Variants in SBF2 observed in about 807,000 individuals in gnomAD.
SBF2 encodes myotubularin-related protein 13.
Under a neutral mutation model 225.2 loss-of-function variants are expected in SBF2, and 112 were observed. The ratio of observed to expected loss-of-function variants is 0.50; its 90% CI spans 0.43 to 0.58. The LOEUF (loss-of-function observed/expected upper bound fraction) is 0.58, where lower values mean the gene tolerates loss of function less well. Ranked by LOEUF, SBF2 falls within the 20% of genes least tolerant of loss-of-function variation. The probability of loss-of-function intolerance (pLI) is 0.00; values close to 1 mark genes in which losing one functional copy is unlikely to be tolerated. For missense variants in SBF2, 1,996 were observed against 2,206.2 expected (o/e 0.90, Z 1.91); for synonymous variants, 763 against 773.3 (o/e 0.99, Z 0.22).
chr11:9,997,694 T>C (rs951292110), intron 9 of SBF2, among the ~76,000 whole-genome samples: 12 of 152,028 alleles, frequency 7.9e-5, no homozygotes, highest in Non-Finnish European at 1.6e-4. Flanking sequence ...AGGAGAATGG[T>C]GTGAACCCGG....
At chr11:9,795,377 A>G (rs1590102560) in intron 33 of SBF2, among the ~76,000 whole-genome samples, 1 of 152,252 alleles carries the variant, frequency 6.6e-6, no homozygotes, top group Non-Finnish European at 1.5e-5. Flanking sequence ...AAGATGAGGA[A>G]ACTGAGGCTC....
At chr11:10,124,742 T>A (rs80283924) in intron 2 of SBF2, among the ~76,000 whole-genome samples, 1 of 152,118 alleles carries the variant, frequency 6.6e-6, no homozygotes, top group African/African-American at 2.4e-5. Context: ...AGGAAGGTCA[T>A]CTCCATCTCT....
At position 9,842,639 on chromosome 11, in the gene SBF2, T is replaced by A; in HGVS notation, c.3242A>T (p.Asp1081Val). ...ERVNRPGWNEDDDVSVSDESE... is the reference protein window; with the variant it reads ...ERVNRPGWNEVDDVSVSDESE... ...TTTTCACATACCAGATACATCATCA[T>A]CTTCATTCCATCCAGGACGATTTAC... Residue 1081 changes from aspartate (D) to valine (V), a missense_variant, in exon 25 of 40, where the codon GAT (aspartate) becomes GTT (valine). Transcript: ENST00000256190. 6.2e-7 allele frequency: 1 copy of A among 1,614,070 alleles called. No homozygotes were observed. The highest frequency in any genetic ancestry group is 8.5e-7 in the Non-Finnish European group (1 of 1,179,952).
intron 2 of SBF2, among the ~76,000 whole-genome samples, chr11:10,072,735 T>TC (rs57045075): frequency 0.019 from 2,220 of 119,886 alleles, 42 homozygotes; most frequent in Admixed American, 0.069. Flanking sequence ...TTTTTTTTTC[T>TC]TTTTTTTTTT....
intron 17 of SBF2, among the ~76,000 whole-genome samples, chr11:9,859,634 C>T (rs1857565898): frequency 6.6e-6 from 1 of 152,144 alleles, no homozygotes; most frequent in Non-Finnish European, 1.5e-5. Context: ...TCCTGAAATG[C>T]TGGACACTGA....
chr11:9,796,415 C>A (rs1046465433), intron 32 of SBF2, among the ~76,000 whole-genome samples: 2 of 152,096 alleles, frequency 1.3e-5, no homozygotes, highest in Non-Finnish European at 2.9e-5. Flanking sequence ...TTCTTGCTTT[C>A]CAGGCAACTG....
chr11:9,923,161 G>A (rs1863764630), intron 16 of SBF2, among the ~76,000 whole-genome samples: 2 of 152,022 alleles, frequency 1.3e-5, no homozygotes, highest in African/African-American at 4.8e-5. Flanking sequence ...AAAGTGAAGC[G>A]GTACCCTTAA....
At chr11:9,813,187 A>G (rs1854287779) in intron 29 of SBF2, among the ~76,000 whole-genome samples, 2 of 152,350 alleles carry the variant, frequency 1.3e-5, no homozygotes, top group Admixed American at 6.5e-5. Flanking sequence ...TACGTGTATT[A>G]AAGTTTGTAG....
At chr11:9,957,436 C>T (rs1866245424) in intron 16 of SBF2, 2 of 151,360 alleles carry the variant, frequency 1.3e-5, no homozygotes, top group South Asian at 2.1e-4. Flanking sequence ...ACATAAGCCA[C>T]AAAACTATAT....
At chr11:10,299,362 A>T (rs923376548) in intron 1 of SBF2, among the ~76,000 whole-genome samples, 1 of 148,224 alleles carries the variant, frequency 6.7e-6, no homozygotes, top group East Asian at 1.9e-4. Flanking sequence ...AAAAAAAGGA[A>T]GTGTCCTGCA....
At chr11:9,833,545 C>T (rs960365666) in intron 26 of SBF2, among the ~76,000 whole-genome samples, 2 of 151,296 alleles carry the variant, frequency 1.3e-5, no homozygotes, top group Non-Finnish European at 2.9e-5. Context: ...CTCAGCCTCC[C>T]GAGTAGCTAC....
intron 2 of SBF2, among the ~76,000 whole-genome samples, chr11:10,099,716 G>A (rs1952194174): frequency 6.6e-6 from 1 of 152,096 alleles, no homozygotes; most frequent in East Asian, 1.9e-4. Context: ...GGGGTGGGGG[G>A]AATAAAAGTG....
chr11:9,999,825 A>G (rs73406756), intron 8 of SBF2, among the ~76,000 whole-genome samples: 1,720 of 152,330 alleles, frequency 0.011, 33 homozygotes, highest in African/African-American at 0.039. Context: ...TCCTGCTTAT[A>G]ATTATAATGT....
chr11:10,198,460 T>C (rs990468540), intron 1 of SBF2, among the ~76,000 whole-genome samples: 1 of 152,218 alleles, frequency 6.6e-6, no homozygotes, highest in South Asian at 2.1e-4. Context: ...CCAGGCATTG[T>C]TGTCCCATTT....
At chr11:10,127,116 A>G (rs1490266326) in intron 2 of SBF2, among the ~76,000 whole-genome samples, 2 of 152,158 alleles carry the variant, frequency 1.3e-5, no homozygotes, top group Non-Finnish European at 2.9e-5. Flanking sequence ...ATGAATAGCA[A>G]CAACAGTTGC....
intron 2 of SBF2, among the ~76,000 whole-genome samples, chr11:10,173,218 C>A (rs191518115): frequency 2.0e-5 from 3 of 152,164 alleles, no homozygotes; most frequent in African/African-American, 7.2e-5. Flanking sequence ...ACGCAGAAGA[C>A]GGGTGATTTC....
intron 2 of SBF2, among the ~76,000 whole-genome samples, chr11:10,077,321 C>A (rs574310778): frequency 1.3e-5 from 2 of 152,128 alleles, no homozygotes; most frequent in African/African-American, 4.8e-5. Flanking sequence ...TCATATGGAC[C>A]CCAAAAAGGG....
chr11:10,013,378 G>C (rs1948527487), intron 6 of SBF2, among the ~76,000 whole-genome samples: 1 of 152,184 alleles, frequency 6.6e-6, no homozygotes, highest in Admixed American at 6.5e-5. Context: ...TGACAAAGCT[G>C]GGATGTAGGG....
At chr11:10,285,142 T>A (rs532308437) in intron 1 of SBF2, among the ~76,000 whole-genome samples, 202 of 152,080 alleles carry the variant, frequency 1.3e-3, no homozygotes, top group African/African-American at 4.8e-3. Context: ...AAACCCCATC[T>A]CTACAAAAAA....
Sources: allele counts gnomAD v4.1 joint callset (sites outside exome capture counted in the v4.1 genomes callset), GRCh38; gene constraint gnomAD v4.1.1; transcripts MANE v1.5; gene names NCBI Gene and HGNC (gene_info 2026-07-23, HGNC 2026-07-21).